Variants in MORC3 observed in about 807,000 individuals in gnomAD.
The protein encoded by MORC3 is MORC family CW-type zinc finger protein 3.
MORC3 carries 31 observed loss-of-function variants against 109.1 expected under a neutral mutation model. The observed-to-expected ratio is 0.28, with a 90% CI of 0.21 to 0.38. The LOEUF is 0.38. Among genes scored for constraint, MORC3 ranks in the 10% least tolerant of loss-of-function variants. The probability of loss-of-function intolerance (pLI) is 1.00; values close to 1 mark genes in which losing one functional copy is unlikely to be tolerated. For synonymous variants in MORC3, 395 were observed against 380.7 expected (o/e 1.04, Z -0.44); for missense variants, 867 against 1,135.8 (o/e 0.76, Z 3.40).
At chr21:36,365,543 A>G (rs2085770819) in intron 14 of MORC3, among the ~76,000 whole-genome samples, 1 of 152,210 alleles carries the variant, frequency 6.6e-6, no homozygotes, top group Non-Finnish European at 1.5e-5. Flanking sequence ...TTATGCATAT[A>G]TAAATCAAAG....
At chr21:36,359,642 C>T (rs766368946) in intron 10 of MORC3, among the ~76,000 whole-genome samples, 6 of 147,168 alleles carry the variant, frequency 4.1e-5, no homozygotes, top group Admixed American at 2.1e-4. Context: ...CAACCTCTGC[C>T]TCCTGGGCTC....
chr21:36,340,721 C>T (rs1264111863), intron 5 of MORC3, among the ~76,000 whole-genome samples: 2 of 148,710 alleles, frequency 1.3e-5, no homozygotes, highest in African/African-American at 4.9e-5. Flanking sequence ...ACTGCAACCT[C>T]CGCCCACCGG....
At chr21:36,352,754 A>G (rs2085587783) in intron 9 of MORC3, among the ~76,000 whole-genome samples, 1 of 152,186 alleles carries the variant, frequency 6.6e-6, no homozygotes, top group South Asian at 2.1e-4. Context: ...AGATCCACGT[A>G]TAACTCCTCA....
chr21:36,358,452 A>T (rs911167861), intron 10 of MORC3, among the ~76,000 whole-genome samples: 1 of 151,984 alleles, frequency 6.6e-6, no homozygotes, highest in African/African-American at 2.4e-5. Flanking sequence ...TGAAGTTTTC[A>T]TATGTAAAAT....
At chr21:36,364,072 G>C (rs138251441) in intron 13 of MORC3, 21 bp from the exon 14 acceptor site, 13 of 1,607,956 alleles carry the variant, frequency 8.1e-6, no homozygotes, top group African/African-American at 1.3e-5. Context: ...CCTTTAAGGT[G>C]ATGATTTTTC....
intron 9 of MORC3, among the ~76,000 whole-genome samples, chr21:36,356,212 A>G (rs2085643547): frequency 6.6e-6 from 1 of 152,214 alleles, no homozygotes; most frequent in Non-Finnish European, 1.5e-5. Context: ...GAAACCACCT[A>G]CAGTCTGTAT....
intron 2 of MORC3, among the ~76,000 whole-genome samples, chr21:36,334,694 TG>T (rs2085355371): frequency 6.6e-6 from 1 of 152,232 alleles, no homozygotes; most frequent in African/African-American, 2.4e-5. Context: ...GTGTTAGATA[TG>T]TAATAAGTTC....
chr21:36,334,321 G>A (rs1286377076), intron 2 of MORC3, among the ~76,000 whole-genome samples: 1 of 152,200 alleles, frequency 6.6e-6, no homozygotes, highest in Non-Finnish European at 1.5e-5. Context: ...TCACATGGAT[G>A]TCAGATTAGT....
At chr21:36,374,207 A>G (rs2085903145) in intron 16 of MORC3, among the ~76,000 whole-genome samples, 1 of 152,044 alleles carries the variant, frequency 6.6e-6, no homozygotes, top group African/African-American at 2.4e-5. Context: ...CTCCTGCCTC[A>G]GCCTCACCAG....
intron 7 of MORC3, 80 bp downstream of exon 7, chr21:36,344,787 G>T: frequency 6.3e-7 from 1 of 1,587,888 alleles, no homozygotes; most frequent in African/African-American, 1.4e-5. Flanking sequence ...TATGCTGATA[G>T]GGATTCTAGT....
intron 14 of MORC3, among the ~76,000 whole-genome samples, chr21:36,368,002 C>T (rs144129883): frequency 6.6e-6 from 1 of 152,246 alleles, no homozygotes; most frequent in Non-Finnish European, 1.5e-5. Context: ...CTGTTGCAGG[C>T]TGTGCTCGCC....
chr21:36,321,810 T>G (rs1203655132), intron 1 of MORC3, among the ~76,000 whole-genome samples: 1 of 152,202 alleles, frequency 6.6e-6, no homozygotes, highest in African/African-American at 2.4e-5. Context: ...GTTGATTTCC[T>G]GTTTCTGTCC....
chr21:36,352,270 G>A (rs1461705403), intron 9 of MORC3, among the ~76,000 whole-genome samples: 5 of 151,992 alleles, frequency 3.3e-5, no homozygotes, highest in East Asian at 3.9e-4. Context: ...ACACACACAC[G>A]GCAAGCTACA....
At position 36,326,207 on chromosome 21, in the gene MORC3, C is replaced by G. The variant is rs550062659; in HGVS notation, c.39+5904C>G. 2.0e-5 allele frequency among the ~76,000 whole-genome samples: 3 copies of G among 150,826 alleles called. No individual in the cohort carries two copies. The South Asian group carries it at 6.3e-4, about 32-fold the overall frequency. ...GGGCAACAAGAGTGAAACTTATTCT[C>G]AAACAAAAAAAATAGAATAAATTAT... is the stretch of plus-strand genomic sequence containing the variant. On this transcript the variant is annotated intron_variant, in intron 1 of 16. Coordinates refer to ENST00000400485, the MANE Select transcript of MORC3 (RefSeq NM_015358.3).
At chr21:36,348,770 T>C (rs1341676472) in intron 8 of MORC3, among the ~76,000 whole-genome samples, 4 of 152,212 alleles carry the variant, frequency 2.6e-5, no homozygotes, top group Admixed American at 2.6e-4. Flanking sequence ...TGGATACTTG[T>C]CAACAATCAA....
intron 2 of MORC3, among the ~76,000 whole-genome samples, chr21:36,336,645 G>C (rs1050711738): frequency 6.6e-6 from 1 of 152,048 alleles, no homozygotes. Flanking sequence ...TAACATGGAG[G>C]GTGTTAATTC....
intron 14 of MORC3, among the ~76,000 whole-genome samples, chr21:36,366,206 G>A (rs79531407): frequency 0.023 from 3,448 of 151,226 alleles, 57 homozygotes; most frequent in Admixed American, 0.045. Context: ...CCACTGTAGT[G>A]GTCCCCAGTG....
At chr21:36,320,608 G>C (rs146842880) in intron 1 of MORC3, 7,267 of 297,190 alleles carry the variant, frequency 0.024, 110 homozygotes, top group Admixed American at 0.048. Context: ...AGGCCTCGGC[G>C]GGAGATCGGT....
intron 1 of MORC3, among the ~76,000 whole-genome samples, chr21:36,321,101 A>G (rs2085189221): frequency 1.3e-5 from 2 of 152,218 alleles, no homozygotes; most frequent in South Asian, 2.1e-4. Context: ...GACTTTTGCC[A>G]AAGAATGACT....
Sources: gnomAD v4.1 joint callset for allele counts (sites outside exome capture counted in the v4.1 genomes callset) on GRCh38, gnomAD v4.1.1 for gene constraint, MANE v1.5 for transcripts, NCBI Gene and HGNC (gene_info 2026-07-23, HGNC 2026-07-21) for gene names.